Variants in HNF4G observed in about 807,000 individuals in gnomAD.
HNF4G encodes hepatocyte nuclear factor 4 gamma.
Under a neutral mutation model 50.9 loss-of-function variants are expected in HNF4G, and 21 were observed. The observed-to-expected ratio is 0.41, with a 90% CI of 0.29 to 0.59. The LOEUF is 0.59. Ranked by LOEUF, HNF4G falls within the 20% of genes least tolerant of loss-of-function variation. The pLI is 0.26. For synonymous variants in HNF4G, 198 were observed against 185.6 expected (o/e 1.07, Z -0.54); for missense variants, 527 against 559.4 (o/e 0.94, Z 0.58).
At chr8:75,408,999 G>GC (rs1810430073) in intron 1 of HNF4G, among the ~76,000 whole-genome samples, 1 of 152,108 alleles carries the variant, frequency 6.6e-6, no homozygotes, top group Non-Finnish European at 1.5e-5. Context: ...AGCTGTCACC[G>GC]TTTTTCCTTA....
At chr8:75,463,899 C>T (rs1003191712) in intron 1 of HNF4G, among the ~76,000 whole-genome samples, 5 of 151,720 alleles carry the variant, frequency 3.3e-5, no homozygotes, top group African/African-American at 9.7e-5. Flanking sequence ...CTCAGCCTCC[C>T]GAGTAGCTGG....
intron 1 of HNF4G, among the ~76,000 whole-genome samples, chr8:75,433,899 G>A (rs1015471507): frequency 6.6e-6 from 1 of 151,678 alleles, no homozygotes; most frequent in Non-Finnish European, 1.5e-5. Flanking sequence ...TGTAACTATA[G>A]TCTTTGACTT....
At chr8:75,503,662 C>T (rs1309012147) in intron 2 of HNF4G, among the ~76,000 whole-genome samples, 1 of 152,190 alleles carries the variant, frequency 6.6e-6, no homozygotes, top group Non-Finnish European at 1.5e-5. Flanking sequence ...AATACCCTTA[C>T]TCTCTTGAAT....
chr8:75,530,430 T>TAA (rs5892497), intron 2 of HNF4G, among the ~76,000 whole-genome samples: 26,551 of 146,378 alleles, frequency 0.18, 2,448 homozygotes, highest in East Asian at 0.25. Context: ...CCACCAGTAA[T>TAA]AAAAAAAAAA....
intron 1 of HNF4G, among the ~76,000 whole-genome samples, chr8:75,437,539 A>T: frequency 6.6e-6 from 1 of 152,096 alleles, no homozygotes; most frequent in East Asian, 1.9e-4. Flanking sequence ...ATGTTTTTTA[A>T]AATTTCCAGT....
intron 6 of HNF4G, 85 bp from the exon 7 acceptor site, chr8:75,558,433 G>A (rs1464943262): frequency 1.9e-5 from 24 of 1,246,240 alleles, no homozygotes; most frequent in Admixed American, 2.3e-5. Flanking sequence ...TTTAAACACC[G>A]GTTTGTTAAA....
At chr8:75,553,015 A>G (rs373570482) in intron 4 of HNF4G, 27 bp from the exon 5 acceptor site, 37 of 1,533,644 alleles carry the variant, frequency 2.4e-5, no homozygotes, top group Non-Finnish European at 3.2e-5. Context: ...ATTTTAAATG[A>G]TAATATAATG....
intron 2 of HNF4G, among the ~76,000 whole-genome samples, chr8:75,508,243 G>T (rs1439181595): frequency 6.6e-6 from 1 of 151,784 alleles, no homozygotes; most frequent in Non-Finnish European, 1.5e-5. Flanking sequence ...GCTCCAAGAA[G>T]AACTTTTCCA....
chr8:75,412,518 A>T (rs1563496095), intron 1 of HNF4G, among the ~76,000 whole-genome samples: 1 of 152,232 alleles, frequency 6.6e-6, no homozygotes, highest in African/African-American at 2.4e-5. Context: ...AAAATTGACA[A>T]GAAATCTAGG....
chr8:75,470,874 A>G (rs765273660), intron 1 of HNF4G, among the ~76,000 whole-genome samples: 11 of 152,204 alleles, frequency 7.2e-5, no homozygotes, highest in Non-Finnish European at 1.3e-4. Context: ...CACTGGTAAG[A>G]GATACAAGGG....
chr8:75,517,847 C>G (rs1805934287), intron 2 of HNF4G, among the ~76,000 whole-genome samples: 1 of 152,082 alleles, frequency 6.6e-6, no homozygotes, highest in Non-Finnish European at 1.5e-5. Flanking sequence ...CGGGTTCTGA[C>G]CTCACATTCT....
At chr8:75,430,439 T>G (rs576070077) in intron 1 of HNF4G, among the ~76,000 whole-genome samples, 3 of 145,398 alleles carry the variant, frequency 2.1e-5, no homozygotes, top group South Asian at 4.3e-4. Flanking sequence ...TTATTGTGAA[T>G]TAAATAAGCA....
At chr8:75,547,722 A>G (rs780321701) in intron 3 of HNF4G, 41 bp downstream of exon 3, 1 of 1,184,416 alleles carries the variant, frequency 8.4e-7, no homozygotes, top group South Asian at 1.2e-5. Context: ...ATTGATGAAA[A>G]GTGATAAACA....
chr8:75,566,105 A>G lies in HNF4G; in HGVS notation c.*2009A>G, dbSNP rs1371110321. 1 of 152,176 alleles carries G rather than the reference A, an allele frequency of 6.6e-6. No individual in the cohort carries two copies. The highest frequency in any genetic ancestry group is 1.5e-5 in the Non-Finnish European group (1 of 68,068). The allele number at this position is 152,176 out of a possible 1,614,324, so 9.4% of individuals were successfully genotyped here. On this transcript the variant is annotated 3_prime_UTR_variant, in exon 10 of 10. Transcript: ENST00000396423. ...TGAAATACTATGAACTTGGCAGCTTATAAACAACAGAAATTTATTTCTCGC... is the reference window on the plus strand; with the variant it reads ...TGAAATACTATGAACTTGGCAGCTTGTAAACAACAGAAATTTATTTCTCGC...
chr8:75,535,065 A>G (rs1475152262), upstream of HNF4G, among the ~76,000 whole-genome samples: 1 of 151,856 alleles, frequency 6.6e-6, no homozygotes, highest in Non-Finnish European at 1.5e-5. Context: ...GAAAGAGATA[A>G]GAAAAAATAA....
chr8:75,411,490 T>A (rs1041502785), intron 1 of HNF4G, among the ~76,000 whole-genome samples: 2 of 152,218 alleles, frequency 1.3e-5, no homozygotes, highest in Admixed American at 6.5e-5. Flanking sequence ...CCTTATTGCC[T>A]GTTCTTCCCT....
At chr8:75,466,569 G>A (rs796671157) in intron 1 of HNF4G, among the ~76,000 whole-genome samples, 4 of 90,512 alleles carry the variant, frequency 4.4e-5, no homozygotes, top group Admixed American at 1.5e-4. Flanking sequence ...CTCTTTTCTC[G>A]CTCCTTCCTT....
chr8:75,448,698 A>T (rs552531827), intron 1 of HNF4G, among the ~76,000 whole-genome samples: 2 of 151,948 alleles, frequency 1.3e-5, no homozygotes, highest in Admixed American at 6.6e-5. Context: ...GAAAATTTTT[A>T]AAAAACACCT....
At chr8:75,561,907 G>C (rs1256082098) in intron 9 of HNF4G, among the ~76,000 whole-genome samples, 1 of 152,044 alleles carries the variant, frequency 6.6e-6, no homozygotes, top group Non-Finnish European at 1.5e-5. Flanking sequence ...TTTTTTCTAA[G>C]CTACTCTGGT....
Sources: allele counts gnomAD v4.1 joint callset (sites outside exome capture counted in the v4.1 genomes callset), GRCh38; gene constraint gnomAD v4.1.1; transcripts MANE v1.5; gene names NCBI Gene and HGNC (gene_info 2026-07-23, HGNC 2026-07-21).